The following APP variants were observed in gnomAD, a reference collection of about 807,000 sequenced individuals.
The protein encoded by APP is amyloid-beta precursor protein.
APP carries 31 observed loss-of-function variants against 101.4 expected under a neutral mutation model. The ratio of observed to expected loss-of-function variants is 0.31; its 90% CI spans 0.23 to 0.41. The LOEUF is 0.41. Ranked by LOEUF, APP falls within the 10% of genes least tolerant of loss-of-function variation. The probability of loss-of-function intolerance (pLI) is 1.00; values close to 1 mark genes in which losing one functional copy is unlikely to be tolerated. For missense variants in APP, 839 were observed against 1,003.7 expected, an observed-to-expected ratio of 0.84 and a Z score of 2.22; for synonymous variants, 366 against 364.4, an observed-to-expected ratio of 1.00 and a Z score of -0.05.
At chr21:26,041,510 C>A (rs1189806312) in intron 5 of APP, among the ~76,000 whole-genome samples, 2 of 152,148 alleles carry the variant, frequency 1.3e-5, no homozygotes, top group Admixed American at 1.3e-4. Context: ...AGCTTAGGAT[C>A]CTTAGCACTG....
chr21:26,014,515 GAAAA>G (rs1255663409), intron 6 of APP, among the ~76,000 whole-genome samples: 1 of 152,150 alleles, frequency 6.6e-6, no homozygotes, highest in Non-Finnish European at 1.5e-5. Flanking sequence ...CATAGTAGGT[GAAAA>G]CTTTTGTTCC....
chr21:25,975,383 G>A (rs1386855422), intron 10 of APP, among the ~76,000 whole-genome samples, 155 bp from the exon 11 acceptor site: 1 of 152,056 alleles, frequency 6.6e-6, no homozygotes, highest in South Asian at 2.1e-4. Flanking sequence ...CTAATTCTAC[G>A]TTTTATAGCT....
chr21:26,140,688 GAT>G (rs1318300177), intron 1 of APP, among the ~76,000 whole-genome samples: 1 of 152,226 alleles, frequency 6.6e-6, no homozygotes, highest in Non-Finnish European at 1.5e-5. Context: ...TAGGCAAGAA[GAT>G]AACTGAATGA....
chr21:25,969,872 AAG>A (rs374534024), intron 11 of APP, among the ~76,000 whole-genome samples: 5 of 107,568 alleles, frequency 4.6e-5, no homozygotes, highest in South Asian at 4.1e-4. Flanking sequence ...AAGAAAAGAA[AAG>A]AGAAAAGAAA....
chr21:25,931,219 T>G (rs1326959645), intron 13 of APP, among the ~76,000 whole-genome samples: 2 of 152,146 alleles, frequency 1.3e-5, no homozygotes, highest in African/African-American at 2.4e-5. Context: ...GCCTGGGCTT[T>G]AGGGATGTGA....
intron 1 of APP, among the ~76,000 whole-genome samples, chr21:26,123,891 G>A (rs1204705901): frequency 2.0e-5 from 3 of 152,022 alleles, no homozygotes; most frequent in Non-Finnish European, 4.4e-5. Context: ...TTAGTTGACA[G>A]TAGAGCCTAT....
chr21:26,062,226 A>ACACACACACACACAC (rs1555861786), intron 3 of APP, among the ~76,000 whole-genome samples: 2 of 86,386 alleles, frequency 2.3e-5, no homozygotes, highest in African/African-American at 7.0e-5. Context: ...CAAACAAACA[A>ACACACACACACACAC]ACAAACACAC....
At chr21:25,984,909 G>C (rs2042580394) in intron 8 of APP, among the ~76,000 whole-genome samples, 1 of 152,168 alleles carries the variant, frequency 6.6e-6, no homozygotes, top group Non-Finnish European at 1.5e-5. Context: ...TCATCTGGCT[G>C]TAACTGTTAT....
At chr21:26,057,473 CCACACACACA>C (rs71855086) in intron 3 of APP, among the ~76,000 whole-genome samples, 1 of 149,066 alleles carries the variant, frequency 6.7e-6, no homozygotes, top group African/African-American at 2.4e-5. Flanking sequence ...ATGTCACACA[CCACACACACA>C]CACACACACA....
intron 17 of APP, among the ~76,000 whole-genome samples, 160 bp from the exon 18 acceptor site, chr21:25,881,931 GC>G (rs1272445171): frequency 6.6e-6 from 1 of 152,118 alleles, no homozygotes; most frequent in African/African-American, 2.4e-5. Context: ...GGAGCAGAAC[GC>G]CTTTGCCCAC....
intron 5 of APP, among the ~76,000 whole-genome samples, chr21:26,048,320 C>T (rs1454208919): frequency 5.3e-5 from 8 of 151,706 alleles, no homozygotes; most frequent in Non-Finnish European, 1.2e-4. Flanking sequence ...GAGACTCCAT[C>T]TTAAAAAAAG....
intron 8 of APP, among the ~76,000 whole-genome samples, chr21:25,989,535 C>G (rs1188447866): frequency 1.3e-5 from 2 of 152,158 alleles, no homozygotes; most frequent in African/African-American, 4.8e-5. Flanking sequence ...GTGGCCATCT[C>G]CAACAGGCCA....
In APP at chr21:26,058,848, G is replaced by A. The variant is rs574370135; in HGVS notation, c.356-5500C>T. Among the ~76,000 whole-genome samples the A allele has an allele frequency of 3.2e-4, 49 of 152,226 alleles. No homozygotes were observed. In the East Asian group the frequency reaches 9.1e-3, roughly 28 times the overall value. The stretch of plus-strand genomic sequence containing the variant: ...TGTAATCCCAGCACTTTGGGAGGCC[G>A]AGGCGGGCGGATCACAAGGTCAGGA... On this transcript the variant is annotated intron_variant, in intron 3 of 17. Coordinates refer to ENST00000346798, the MANE Select transcript of APP (RefSeq NM_000484.4).
intron 13 of APP, among the ~76,000 whole-genome samples, chr21:25,918,304 TAAAG>T (rs995364143): frequency 3.9e-5 from 6 of 152,032 alleles, no homozygotes; most frequent in Non-Finnish European, 7.4e-5. Context: ...ATAGACTGGA[TAAAG>T]AAAATGTGGC....
chr21:25,969,492 T>G (rs1002138645), intron 11 of APP, among the ~76,000 whole-genome samples: 3 of 151,510 alleles, frequency 2.0e-5, no homozygotes, highest in Admixed American at 2.0e-4. Context: ...AAATGGCAAG[T>G]AATGCCCCCT....
chr21:26,146,841 C>T (rs548431894), intron 1 of APP, among the ~76,000 whole-genome samples: 28 of 152,286 alleles, frequency 1.8e-4, no homozygotes, highest in South Asian at 1.0e-3. Context: ...TTGTTGCTGA[C>T]AAACTGTACT....
chr21:26,104,730 A>C (rs550459290), intron 2 of APP, among the ~76,000 whole-genome samples: 2 of 152,342 alleles, frequency 1.3e-5, no homozygotes, highest in Non-Finnish European at 2.9e-5. Context: ...ATTCACAGTC[A>C]AAGTTATGTA....
chr21:26,091,500 A>C (rs1037464351), intron 2 of APP, among the ~76,000 whole-genome samples: 1 of 152,208 alleles, frequency 6.6e-6, no homozygotes, highest in African/African-American at 2.4e-5. Flanking sequence ...GAGAATCATG[A>C]ACTGACAAAT....
intron 3 of APP, among the ~76,000 whole-genome samples, chr21:26,073,379 C>A (rs879426662): frequency 7.2e-5 from 11 of 152,090 alleles, no homozygotes; most frequent in Admixed American, 7.2e-4. Flanking sequence ...TCAACCGATG[C>A]CACTGAGAGA....
Sources: gnomAD v4.1 joint callset for allele counts (sites outside exome capture counted in the v4.1 genomes callset) on GRCh38, gnomAD v4.1.1 for gene constraint, MANE v1.5 for transcripts, NCBI Gene and HGNC (gene_info 2026-07-23, HGNC 2026-07-21) for gene names.